The following ACSL1 variants were observed in gnomAD, a reference collection of about 807,000 sequenced individuals.
ACSL1 encodes the protein long-chain-fatty-acid--CoA ligase 1.
Under a neutral mutation model 98.4 loss-of-function variants are expected in ACSL1, and 41 were observed. The observed-to-expected ratio is 0.42, with a 90% CI of 0.32 to 0.54. The LOEUF is 0.54. Among genes scored for constraint, ACSL1 ranks in the 20% least tolerant of loss-of-function variants. The probability of loss-of-function intolerance (pLI) is 0.13; values close to 1 mark genes in which losing one functional copy is unlikely to be tolerated. For synonymous variants in ACSL1, 316 were observed against 322.7 expected (o/e 0.98, Z 0.22); for missense variants, 734 against 883.1 (o/e 0.83, Z 2.14).
intron 7 of ACSL1, among the ~76,000 whole-genome samples, chr4:184,774,809 T>C (rs1765044372): frequency 6.6e-6 from 1 of 152,192 alleles, no homozygotes; most frequent in South Asian, 2.1e-4. Flanking sequence ...TTTTCAATCT[T>C]AATTACATTT....
intron 3 of ACSL1, among the ~76,000 whole-genome samples, chr4:184,784,209 G>A (rs764690496): frequency 6.6e-6 from 1 of 152,118 alleles, no homozygotes; most frequent in Non-Finnish European, 1.5e-5. Flanking sequence ...AGTGGGGCAG[G>A]AGAGGGGGAC....
intron 1 of ACSL1, among the ~76,000 whole-genome samples, chr4:184,821,463 T>C (rs1233943246): frequency 1.3e-5 from 2 of 152,226 alleles, no homozygotes; most frequent in Non-Finnish European, 2.9e-5. Context: ...AGGCCCCGTT[T>C]CCTCCTCTGA....
At chr4:184,812,210 G>C (rs1336129350) in intron 1 of ACSL1, 3 of 985,318 alleles carry the variant, frequency 3.0e-6, no homozygotes, top group Middle Eastern at 5.2e-4. Flanking sequence ...TCCCCGGCCA[G>C]GGTCTCCTCC....
rs57312398 is a variant in ACSL1 at position 184,813,519 on chromosome 4, C to T, written c.-32-9973G>A. On this transcript the variant is annotated intron_variant, in intron 1 of 20. Coordinates refer to ENST00000281455, the MANE Select transcript of ACSL1 (RefSeq NM_001995.5). ...TTCTCACTCATGAACTGGATCAATA[C>T]GGCATGTTATTTCAGCTGATGTTCA... 1,242 of 194,162 alleles carry T rather than the reference C, an allele frequency of 6.4e-3. 21 individuals are homozygous for T. The highest frequency in any genetic ancestry group is 0.027 in the African/African-American group (1,180 of 43,424). The allele number at this position is 194,162 out of a possible 1,614,324, so 12.0% of individuals were successfully genotyped here. A position where few individuals can be genotyped will look rare whatever the true frequency, so the allele number is the denominator to read the frequency against.
At chr4:184,770,356 G>A (rs1343717322) in intron 11 of ACSL1, 43 bp downstream of exon 11, 47 of 1,606,870 alleles carry the variant, frequency 2.9e-5, no homozygotes, top group Non-Finnish European at 4.0e-5. Flanking sequence ...CAACTTAGCA[G>A]AACATACACA....
chr4:184,801,407 G>C (rs917873063), intron 2 of ACSL1, among the ~76,000 whole-genome samples: 10 of 152,184 alleles, frequency 6.6e-5, no homozygotes, highest in African/African-American at 2.2e-4. Context: ...CTGCTTACTT[G>C]TTTTCAAAGT....
intron 2 of ACSL1, among the ~76,000 whole-genome samples, chr4:184,800,608 G>C (rs565787294): frequency 6.4e-4 from 98 of 152,226 alleles, no homozygotes; most frequent in Non-Finnish European, 1.1e-3. Context: ...CAGAGCAGCA[G>C]CAGCAAAATC....
intron 11 of ACSL1, chr4:184,770,191 A>G: frequency 7.2e-7 from 1 of 1,384,468 alleles, no homozygotes; most frequent in Middle Eastern, 1.8e-4. Flanking sequence ...AATCTGCACC[A>G]TTTCTAAAAC....
chr4:184,822,202 CA>C (rs1169130369), intron 1 of ACSL1, among the ~76,000 whole-genome samples: 2 of 151,874 alleles, frequency 1.3e-5, no homozygotes, highest in Non-Finnish European at 2.9e-5. Flanking sequence ...CTCTGTTGCC[CA>C]GGCTGGTCTT....
At chr4:184,765,702 C>G (rs3792314) in intron 14 of ACSL1, among the ~76,000 whole-genome samples, 189 bp downstream of exon 14, 115,004 of 152,180 alleles carry the variant, frequency 0.76, 44,657 homozygotes, top group East Asian at 0.92. Context: ...TAATTAGCTT[C>G]ATTTAGCCAT....
Position 184,797,130 on chromosome 4 carries a change from G to A in ACSL1, c.195+6190C>T, listed in dbSNP as rs368717849. 1.5e-3 allele frequency among the ~76,000 whole-genome samples: 232 copies of A among 151,514 alleles called. 1 individual carries two copies. Among genetic ancestry groups the A allele is most frequent in the African/African-American group, 5.5e-3 (225 of 41,198 alleles). Reference sequence around the variant, plus strand: ...CTCTAAATGTCTGCCTCACAGACACGTGTAATCCTGCCCAGATCAACAACA... The same window carrying A: ...CTCTAAATGTCTGCCTCACAGACACATGTAATCCTGCCCAGATCAACAACA... On this transcript the variant is annotated intron_variant, in intron 2 of 20. Transcript: ENST00000281455.
At chr4:184,784,156 T>C (rs917457864) in intron 3 of ACSL1, among the ~76,000 whole-genome samples, 165 bp from the exon 4 acceptor site, 4 of 152,184 alleles carry the variant, frequency 2.6e-5, no homozygotes, top group African/African-American at 9.7e-5. Flanking sequence ...TCCCTCAGTT[T>C]TGGTCTGATT....
At chr4:184,784,019 G>A (rs972170111) in intron 3 of ACSL1, 28 bp from the exon 4 acceptor site, 4 of 1,570,988 alleles carry the variant, frequency 2.5e-6, no homozygotes, top group Non-Finnish European at 3.5e-6. Context: ...ACAACAGATG[G>A]GCTGAACGTA....
At chr4:184,783,815 G>T in intron 4 of ACSL1, 112 bp downstream of exon 4, 1 of 986,278 alleles carries the variant, frequency 1.0e-6, no homozygotes, top group South Asian at 1.4e-5. Context: ...GCAAGGCTCT[G>T]AGCTGGTCCA....
chr4:184,767,799 G>T (rs1402713876), intron 12 of ACSL1, among the ~76,000 whole-genome samples: 1 of 152,194 alleles, frequency 6.6e-6, no homozygotes, highest in Non-Finnish European at 1.5e-5. Context: ...TGGCTGTGCG[G>T]TCCACGCAAT....
intron 15 of ACSL1, among the ~76,000 whole-genome samples, chr4:184,763,730 GTCTTACA>G (rs1763185799): frequency 6.6e-6 from 1 of 152,184 alleles, no homozygotes; most frequent in Non-Finnish European, 1.5e-5. Flanking sequence ...GAAGAAGCAT[GTCTTACA>G]GTTTTTACTA....
In ACSL1 at chr4:184,825,418, G is replaced by C. The variant is rs542982192; in HGVS notation, c.-33+498C>G. Reference sequence around the variant, plus strand: ...CCTGTGGGCCTCGTGCCGCCGCGCTGCGTGGGGCCGGCATCTCAGCGGGCG... The same window carrying C: ...CCTGTGGGCCTCGTGCCGCCGCGCTCCGTGGGGCCGGCATCTCAGCGGGCG... On this transcript the variant is annotated intron_variant, in intron 1 of 20. Coordinates refer to ENST00000281455, the MANE Select transcript of ACSL1 (RefSeq NM_001995.5). The surrounding 1 kb of genome is among the most constrained non-coding windows in gnomAD (Gnocchi z 4.7). Among the ~76,000 whole-genome samples, 30 of 152,186 alleles carry C rather than the reference G, an allele frequency of 2.0e-4. No individual in the cohort carries two copies. Among genetic ancestry groups the C allele is most frequent in the African/African-American group, 7.2e-4 (30 of 41,550 alleles).
At chr4:184,805,101 G>A (rs1468315790) in intron 1 of ACSL1, among the ~76,000 whole-genome samples, 1 of 152,036 alleles carries the variant, frequency 6.6e-6, no homozygotes, top group Non-Finnish European at 1.5e-5. Flanking sequence ...ACAAACAAGT[G>A]GGCAAAGGAT....
In ACSL1 at chr4:184,802,778, G is replaced by A. The variant is rs55928750; in HGVS notation, c.195+542C>T. On this transcript the variant is annotated intron_variant, in intron 2 of 20. Coordinates refer to ENST00000281455, the MANE Select transcript of ACSL1 (RefSeq NM_001995.5). ...ACGGCGCTCAGCAGCCCAGCCAGAC[G>A]CGCCTCTTGAGGGTTGTTTCTTCAT... Among the ~76,000 whole-genome samples the A allele has an allele frequency of 4.8e-3, 730 of 152,260 alleles. 6 individuals are homozygous for A. Among genetic ancestry groups the A allele is most frequent in the Admixed American group, 7.7e-3 (117 of 15,286 alleles).
Sources: allele counts gnomAD v4.1 joint callset (sites outside exome capture counted in the v4.1 genomes callset), GRCh38; gene constraint gnomAD v4.1.1; non-coding constraint Gnocchi (gnomAD v3.1); transcripts MANE v1.5; gene names NCBI Gene and HGNC (gene_info 2026-07-23, HGNC 2026-07-21).